SYT9: variants seen among roughly 807,000 people sequenced by gnomAD.
SYT9 encodes synaptotagmin-9.
SYT9 carries 22 observed loss-of-function variants against 48.4 expected under a neutral mutation model. The ratio of observed to expected loss-of-function variants is 0.45; its 90% CI spans 0.32 to 0.65. SYT9 has a LOEUF of 0.65. Among genes scored for constraint, SYT9 ranks in the 30% least tolerant of loss-of-function variants. The probability of loss-of-function intolerance (pLI) is 0.03; values close to 1 mark genes in which losing one functional copy is unlikely to be tolerated. For missense variants in SYT9, 577 were observed against 622.0 expected (o/e 0.93, Z 0.77); for synonymous variants, 265 against 245.0 (o/e 1.08, Z -0.76).
intron 3 of SYT9, among the ~76,000 whole-genome samples, chr11:7,414,827 C>G (rs1432763892): frequency 6.6e-6 from 1 of 152,166 alleles, no homozygotes; most frequent in Non-Finnish European, 1.5e-5. Context: ...AAAATAGAAG[C>G]ATCCTTGGAG....
intron 2 of SYT9, among the ~76,000 whole-genome samples, chr11:7,310,251 A>C (rs193281866): frequency 4.4e-4 from 67 of 152,168 alleles, no homozygotes; most frequent in African/African-American, 1.5e-3. Context: ...CTCCTGCCTC[A>C]GCCTCCCAAG....
At chr11:7,400,907 G>C (rs1245297333) in intron 3 of SYT9, among the ~76,000 whole-genome samples, 5 of 152,114 alleles carry the variant, frequency 3.3e-5, no homozygotes, top group African/African-American at 4.8e-5. Context: ...AAAGCCTGCT[G>C]CTATCTGTTG....
chr11:7,390,409 C>G (rs1253108117), intron 3 of SYT9, among the ~76,000 whole-genome samples: 1 of 152,072 alleles, frequency 6.6e-6, no homozygotes, highest in African/African-American at 2.4e-5. Flanking sequence ...CATACTCAAG[C>G]AAAATGAGCC....
At chr11:7,385,255 C>G (rs1850634937) in intron 3 of SYT9, among the ~76,000 whole-genome samples, 1 of 151,798 alleles carries the variant, frequency 6.6e-6, no homozygotes, top group Non-Finnish European at 1.5e-5. Flanking sequence ...CCCAGAGTAC[C>G]AGGTACTCTG....
In SYT9 at chr11:7,391,755, A is replaced by AAAAAAAAAAAAAAC. The variant is rs1424552011; in HGVS notation, c.1045-24277_1045-24276insAAACAAAAAAAAAA. Among the ~76,000 whole-genome samples the AAAAAAAAAAAAAAC allele has an allele frequency of 2.0e-5, 3 of 147,566 alleles. No homozygotes were observed. In the East Asian group the frequency reaches 5.9e-4, roughly 29 times the overall value. On this transcript the variant is annotated intron_variant, in intron 3 of 6. Coordinates refer to ENST00000318881, the MANE Select transcript of SYT9 (RefSeq NM_175733.4). ...ATCTCTAAAAAAAAAAAAAAAAAAA[A>AAAAAAAAAAAAAAC]AAAAAAAAAACCTAGCTAGGCGTGG...
At chr11:7,278,203 CTCT>C (rs371466281) in intron 1 of SYT9, among the ~76,000 whole-genome samples, 39 of 152,250 alleles carry the variant, frequency 2.6e-4, no homozygotes, top group African/African-American at 9.1e-4. Context: ...GCTCAGGCCT[CTCT>C]TCTTCTTATA....
intron 3 of SYT9, among the ~76,000 whole-genome samples, chr11:7,361,761 TG>T (rs1165699273): frequency 6.6e-6 from 1 of 152,224 alleles, no homozygotes; most frequent in Non-Finnish European, 1.5e-5. Context: ...AGCTGCATGT[TG>T]TGGAAAATCA....
In SYT9 at chr11:7,313,476, T is replaced by G. The variant is rs780874862; in HGVS notation, c.579T>G (p.Thr193=). The change falls in exon 3 of 7, where the codon ACT becomes ACG. Residue 193 remains threonine, a synonymous_variant. Transcript: ENST00000318881. ...IQQLQKQEQL[T]GIGRIKPELY... ...AGCTTCAAAAACAGGAACAGTTGACTGGAATTGGTAGAATTAAACCAGAGT... is the reference window on the plus strand; with the variant it reads ...AGCTTCAAAAACAGGAACAGTTGACGGGAATTGGTAGAATTAAACCAGAGT... 1 of 1,614,116 alleles carries G rather than the reference T, an allele frequency of 6.2e-7. No individual in the cohort carries two copies. The highest frequency in any genetic ancestry group is 1.7e-5 in the Admixed American group (1 of 60,026).
intron 1 of SYT9, among the ~76,000 whole-genome samples, chr11:7,246,017 C>T (rs1589882985): frequency 6.6e-6 from 1 of 152,040 alleles, no homozygotes; most frequent in African/African-American, 2.4e-5. Context: ...ATTCTGAAGT[C>T]GCTCCTATCT....
intron 6 of SYT9, among the ~76,000 whole-genome samples, chr11:7,429,636 C>T (rs951474356): frequency 4.6e-5 from 7 of 152,106 alleles, no homozygotes; most frequent in African/African-American, 1.4e-4. Flanking sequence ...TCACACTGCC[C>T]CAGTTGGTGT....
At chr11:7,340,561 C>G (rs1052987625) in intron 3 of SYT9, among the ~76,000 whole-genome samples, 1 of 152,180 alleles carries the variant, frequency 6.6e-6, no homozygotes, top group South Asian at 2.1e-4. Context: ...GTGCTAGAGT[C>G]TGAGATCAGG....
At chr11:7,243,602 C>T (rs1237181068) in intron 1 of SYT9, among the ~76,000 whole-genome samples, 2 of 152,198 alleles carry the variant, frequency 1.3e-5, no homozygotes, top group Non-Finnish European at 2.9e-5. Context: ...GTGCTCACTA[C>T]CCATATTCTC....
intron 1 of SYT9, among the ~76,000 whole-genome samples, chr11:7,257,587 A>G (rs7938609): frequency 0.52 from 79,464 of 152,006 alleles, 20,980 homozygotes; most frequent in Admixed American, 0.56. Flanking sequence ...CCTTGATTCA[A>G]ATTTTTCTAA....
chr11:7,344,179 A>C (rs1849760464), intron 3 of SYT9, among the ~76,000 whole-genome samples: 1 of 152,102 alleles, frequency 6.6e-6, no homozygotes, highest in Non-Finnish European at 1.5e-5. Context: ...CACATTCCTC[A>C]TTAATTTCCA....
chr11:7,377,543 CTCTT>C (rs1184108958), intron 3 of SYT9, among the ~76,000 whole-genome samples: 1 of 152,112 alleles, frequency 6.6e-6, no homozygotes, highest in African/African-American at 2.4e-5. Context: ...AAGGTAGCTT[CTCTT>C]TCTTTATTTT....
chr11:7,366,201 G>A (rs1302378409), intron 3 of SYT9, among the ~76,000 whole-genome samples: 1 of 152,054 alleles, frequency 6.6e-6, no homozygotes, highest in Non-Finnish European at 1.5e-5. Flanking sequence ...GACATACCTG[G>A]GTTTTGGGCC....
intron 3 of SYT9, among the ~76,000 whole-genome samples, chr11:7,413,342 G>A (rs532622773): frequency 7.9e-5 from 12 of 152,152 alleles, no homozygotes; most frequent in Non-Finnish European, 1.6e-4. Flanking sequence ...TTAGGGGCTC[G>A]GCTTTCAGAA....
intron 1 of SYT9, among the ~76,000 whole-genome samples, chr11:7,255,883 C>T (rs1488731635): frequency 6.6e-6 from 1 of 152,146 alleles, no homozygotes; most frequent in Non-Finnish European, 1.5e-5. Context: ...GTCAATTGCT[C>T]TATGCTCGTA....
At chr11:7,412,658 G>T (rs1037402017) in intron 3 of SYT9, among the ~76,000 whole-genome samples, 1 of 152,160 alleles carries the variant, frequency 6.6e-6, no homozygotes, top group African/African-American at 2.4e-5. Flanking sequence ...CTTCCAGGTG[G>T]CTTGCTGAAA....
Sources: allele counts gnomAD v4.1 joint callset (sites outside exome capture counted in the v4.1 genomes callset), GRCh38; gene constraint gnomAD v4.1.1; transcripts MANE v1.5; gene names NCBI Gene and HGNC (gene_info 2026-07-23, HGNC 2026-07-21).